CNTNAP4: variants seen among roughly 807,000 people sequenced by gnomAD.
CNTNAP4 encodes the protein contactin-associated protein-like 4.
CNTNAP4 carries 98 observed loss-of-function variants against 148.4 expected under a neutral mutation model. The observed-to-expected ratio is 0.66, with a 90% CI of 0.56 to 0.78. The LOEUF is 0.78. Ranked by LOEUF, CNTNAP4 falls within the 30% of genes least tolerant of loss-of-function variation. The pLI is 0.00. For missense variants in CNTNAP4, 1,935 were observed against 1,565.6 expected, an observed-to-expected ratio of 1.24 and a Z score of -3.98; for synonymous variants, 730 against 565.1, an observed-to-expected ratio of 1.29 and a Z score of -4.14.
intron 3 of CNTNAP4, among the ~76,000 whole-genome samples, chr16:76,410,612 C>G (rs2078758983): frequency 6.6e-6 from 1 of 151,626 alleles, no homozygotes. Flanking sequence ...ATGAGTTTGT[C>G]TTTGTGAAGA....
At chr16:76,444,206 T>C (rs1354727649) in intron 4 of CNTNAP4, among the ~76,000 whole-genome samples, 1 of 152,148 alleles carries the variant, frequency 6.6e-6, no homozygotes, top group Non-Finnish European at 1.5e-5. Context: ...CCTTTGGAGA[T>C]ATAGTTTCTA....
intron 1 of CNTNAP4, chr16:76,309,760 G>T (rs934080192): frequency 1.9e-5 from 13 of 677,202 alleles, no homozygotes; most frequent in Non-Finnish European, 3.5e-5. Context: ...GGCGGAGGGG[G>T]TGGTCCGGGC....
At chr16:76,448,599 G>C (rs747342038) in intron 5 of CNTNAP4, among the ~76,000 whole-genome samples, 168 bp from the exon 6 acceptor site, 1 of 152,124 alleles carries the variant, frequency 6.6e-6, no homozygotes, top group Non-Finnish European at 1.5e-5. Context: ...CAACAAGGTT[G>C]AGATATTATT....
intron 17 of CNTNAP4, among the ~76,000 whole-genome samples, chr16:76,526,836 G>A (rs2083754080): frequency 6.6e-6 from 1 of 151,684 alleles, no homozygotes; most frequent in African/African-American, 2.4e-5. Flanking sequence ...ACCACGCTTG[G>A]CTAATTTTTG....
intron 17 of CNTNAP4, among the ~76,000 whole-genome samples, chr16:76,532,682 C>A (rs1351470225): frequency 6.6e-6 from 1 of 152,082 alleles, no homozygotes; most frequent in Admixed American, 6.6e-5. Context: ...AGAATGTGGC[C>A]CCCCTGCAAA....
intron 21 of CNTNAP4, among the ~76,000 whole-genome samples, chr16:76,547,622 C>G (rs796940364): frequency 3.9e-5 from 6 of 152,246 alleles, no homozygotes; most frequent in African/African-American, 1.2e-4. Context: ...AATTTCAGTT[C>G]TGAGTTCTGT....
intron 1 of CNTNAP4, among the ~76,000 whole-genome samples, chr16:76,296,127 G>T (rs929634673): frequency 2.6e-5 from 4 of 152,202 alleles, no homozygotes; most frequent in Non-Finnish European, 4.4e-5. Flanking sequence ...CCATGGTAAT[G>T]TATTGAGTAA....
intron 15 of CNTNAP4, 80 bp downstream of exon 15, chr16:76,498,774 C>T (rs2082506850): frequency 7.4e-7 from 1 of 1,347,742 alleles, no homozygotes. Context: ...CATCACGTTT[C>T]TATCATATAA....
chr16:76,288,764 T>A (rs986968349), intron 1 of CNTNAP4, among the ~76,000 whole-genome samples: 2 of 152,140 alleles, frequency 1.3e-5, no homozygotes, highest in Non-Finnish European at 2.9e-5. Context: ...AAACAATACG[T>A]TGATGGATGA....
At chr16:76,332,401 C>T (rs1403709331) in intron 2 of CNTNAP4, among the ~76,000 whole-genome samples, 1 of 152,028 alleles carries the variant, frequency 6.6e-6, no homozygotes, top group Non-Finnish European at 1.5e-5. Flanking sequence ...GCTGGGACCA[C>T]ACAGGCACGC....
chr16:76,452,415 G>A (rs888121820), intron 7 of CNTNAP4, 93 bp from the exon 8 acceptor site: 14 of 1,279,812 alleles, frequency 1.1e-5, no homozygotes, highest in African/African-American at 4.4e-5. Context: ...TTTAAATCGC[G>A]GATAATGTGA....
intron 2 of CNTNAP4, among the ~76,000 whole-genome samples, chr16:76,321,272 C>T (rs1372992717): frequency 6.6e-6 from 1 of 152,202 alleles, no homozygotes; most frequent in Non-Finnish European, 1.5e-5. Context: ...TTGGATGGAT[C>T]TCTATAAGAA....
rs117462784 is a variant in CNTNAP4, at chr16:76,335,433, A to G, written c.196+18910A>G. ...ATTGTTCCCTTAAGGCTTAAAACAT[A>G]AAGGATTTGAAAGGGAAGATGAGCA... is the stretch of plus-strand genomic sequence containing the variant. On this transcript the variant is annotated intron_variant, in intron 2 of 23. Transcript: ENST00000611870. Among the ~76,000 whole-genome samples, 1,047 of 152,228 alleles carry G rather than the reference A, an allele frequency of 6.9e-3. 4 individuals carry two copies. The highest frequency in any genetic ancestry group is 0.012 in the Non-Finnish European group (817 of 68,008).
intron 4 of CNTNAP4, among the ~76,000 whole-genome samples, chr16:76,429,925 G>C (rs1358894981): frequency 6.6e-6 from 1 of 152,156 alleles, no homozygotes; most frequent in Non-Finnish European, 1.5e-5. Context: ...TAGTGTGGCA[G>C]GAGTTAATGA....
intron 3 of CNTNAP4, among the ~76,000 whole-genome samples, chr16:76,414,243 C>T (rs2078901185): frequency 6.6e-6 from 1 of 151,224 alleles, no homozygotes; most frequent in South Asian, 2.1e-4. Flanking sequence ...AATTTTAATC[C>T]TGTGTGAATA....
chr16:76,482,403 G>C (rs2081866931), intron 12 of CNTNAP4, among the ~76,000 whole-genome samples: 1 of 150,004 alleles, frequency 6.7e-6, no homozygotes, highest in African/African-American at 2.4e-5. Context: ...AAGGTTTAAG[G>C]TGAAAGATCA....
chr16:76,280,678 C>G (rs965822834), intron 1 of CNTNAP4, among the ~76,000 whole-genome samples: 9 of 152,062 alleles, frequency 5.9e-5, no homozygotes, highest in African/African-American at 2.2e-4. Context: ...ATTGAAGTGT[C>G]CCTTCCATCA....
chr16:76,483,872 C>T (rs2081930394), intron 12 of CNTNAP4, among the ~76,000 whole-genome samples: 1 of 152,008 alleles, frequency 6.6e-6, no homozygotes, highest in Admixed American at 6.6e-5. Context: ...AGCAAGTAGG[C>T]AAATTCACAA....
intron 3 of CNTNAP4, among the ~76,000 whole-genome samples, chr16:76,413,223 C>G (rs1258912179): frequency 6.6e-6 from 1 of 151,202 alleles, no homozygotes; most frequent in African/African-American, 2.4e-5. Context: ...TGTTTGTACC[C>G]GTTAACCATC....
Sources: gnomAD v4.1 joint callset for allele counts (sites outside exome capture counted in the v4.1 genomes callset) on GRCh38, gnomAD v4.1.1 for gene constraint, MANE v1.5 for transcripts, NCBI Gene and HGNC (gene_info 2026-07-23, HGNC 2026-07-21) for gene names.